Variants in DSCAM observed in about 807,000 individuals in gnomAD.
The protein encoded by DSCAM is cell adhesion molecule DSCAM.
Under a neutral mutation model 217.7 loss-of-function variants are expected in DSCAM, and 47 were observed. The observed-to-expected ratio is 0.22, with a 90% CI of 0.17 to 0.28. The LOEUF is 0.28. Ranked by LOEUF, DSCAM falls within the 10% of genes least tolerant of loss-of-function variation. DSCAM has a pLI of 1.00. For synonymous variants in DSCAM, 1,056 were observed against 1,015.3 expected (o/e 1.04, Z -0.76); for missense variants, 2,080 against 2,618.3 (o/e 0.79, Z 4.49).
chr21:40,063,591 T>G (rs981542269), intron 27 of DSCAM, among the ~76,000 whole-genome samples: 3 of 152,216 alleles, frequency 2.0e-5, no homozygotes, highest in Non-Finnish European at 4.4e-5. Flanking sequence ...AATGAATGTT[T>G]CCTTACTTAG....
chr21:40,205,518 G>A (rs944265999), intron 11 of DSCAM, among the ~76,000 whole-genome samples: 1 of 151,044 alleles, frequency 6.6e-6, no homozygotes, highest in East Asian at 2.0e-4. Flanking sequence ...CAGGAGAATC[G>A]CTTAAACCCG....
At chr21:40,374,880 T>C (rs908771977) in intron 3 of DSCAM, among the ~76,000 whole-genome samples, 2 of 152,168 alleles carry the variant, frequency 1.3e-5, no homozygotes, top group African/African-American at 4.8e-5. Context: ...TCCAGAACAG[T>C]GAGAGATAAA....
intron 3 of DSCAM, among the ~76,000 whole-genome samples, chr21:40,486,644 T>C (rs912049303): frequency 3.3e-5 from 5 of 152,172 alleles, no homozygotes; most frequent in African/African-American, 7.2e-5. Context: ...GGTTTTAACC[T>C]TGAAGTGCAC....
chr21:40,580,800 C>A (rs527369552), intron 3 of DSCAM, among the ~76,000 whole-genome samples: 74 of 152,218 alleles, frequency 4.9e-4, no homozygotes, highest in African/African-American at 1.8e-3. Flanking sequence ...ACCTACATGA[C>A]TAACTAAAGA....
Position 40,144,880 on chromosome 21 carries a change from G to A in DSCAM, c.3019-149C>T. 5 of 1,123,008 alleles carry A rather than the reference G, an allele frequency of 4.5e-6. No homozygotes were observed. The South Asian group carries it at 7.5e-5, about 17-fold the overall frequency. The allele number at this position is 1,123,008 out of a possible 1,614,324, so 69.6% of individuals were successfully genotyped here. On this transcript the variant is annotated intron_variant, in intron 16 of 32. Coordinates refer to ENST00000400454, the MANE Select transcript of DSCAM (RefSeq NM_001389.5). This position sits in a 1 kb window ranked among gnomAD's most constrained non-coding sequence, Gnocchi z 4.8. ...GGTCCGGTAGCAGCCGCAAACCCAC[G>A]TACAGTGCAACTTGGTCTGTGCCAG... is the stretch of plus-strand genomic sequence containing the variant.
intron 16 of DSCAM, among the ~76,000 whole-genome samples, chr21:40,159,852 G>C (rs549163768): frequency 4.9e-4 from 74 of 152,274 alleles, no homozygotes; most frequent in Non-Finnish European, 8.8e-4. Flanking sequence ...CAAAATGCTG[G>C]GATTACAGGC....
intron 3 of DSCAM, among the ~76,000 whole-genome samples, chr21:40,601,893 C>T (rs545389221): frequency 5.3e-5 from 8 of 152,094 alleles, no homozygotes; most frequent in Non-Finnish European, 1.2e-4. Flanking sequence ...TCTTTTTATA[C>T]ATTGTTGGAT....
At chr21:40,047,053 C>T (rs1374963657) in intron 30 of DSCAM, among the ~76,000 whole-genome samples, 1 of 152,002 alleles carries the variant, frequency 6.6e-6, no homozygotes, top group East Asian at 1.9e-4. Context: ...TTACTGGTGG[C>T]CTGATAATGT....
intron 3 of DSCAM, among the ~76,000 whole-genome samples, chr21:40,536,551 A>C (rs8128883): frequency 6.6e-6 from 1 of 151,946 alleles, no homozygotes; most frequent in East Asian, 1.9e-4. Context: ...ACAGGCGCCC[A>C]CCACCACGCC....
intron 3 of DSCAM, among the ~76,000 whole-genome samples, chr21:40,562,506 C>A (rs2076728433): frequency 6.6e-6 from 1 of 152,198 alleles, no homozygotes; most frequent in African/African-American, 2.4e-5. Flanking sequence ...ACCACTCACT[C>A]AGAGAAAGCT....
chr21:40,803,422 G>T lies in DSCAM; in HGVS notation c.43+43197C>A, dbSNP rs2123507892. Among the ~76,000 whole-genome samples the T allele has an allele frequency of 1.3e-5, 2 of 152,222 alleles. 1 individual carries two copies. Among genetic ancestry groups the T allele is most frequent in the Non-Finnish European group, 2.9e-5 (2 of 68,022 alleles). On this transcript the variant is annotated intron_variant, in intron 1 of 32. Coordinates refer to ENST00000400454, the MANE Select transcript of DSCAM (RefSeq NM_001389.5). ...GGAAGGACCACTAAAGCCACCTATAGGAGTGACTCAAATTCTGTTAAAGCA... is the reference window on the plus strand; with the variant it reads ...GGAAGGACCACTAAAGCCACCTATATGAGTGACTCAAATTCTGTTAAAGCA...
chr21:40,096,537 G>C (rs2089679870), intron 20 of DSCAM, among the ~76,000 whole-genome samples: 1 of 152,080 alleles, frequency 6.6e-6, no homozygotes, highest in Non-Finnish European at 1.5e-5. Flanking sequence ...GTGAGCTATG[G>C]AAAAATATCA....
intron 3 of DSCAM, among the ~76,000 whole-genome samples, chr21:40,406,471 C>T (rs2123786914): frequency 6.6e-6 from 1 of 152,260 alleles, no homozygotes; most frequent in Non-Finnish European, 1.5e-5. Context: ...CTTAAAAAAG[C>T]AATGAAATCG....
chr21:40,450,740 G>A (rs1342932179), intron 3 of DSCAM, among the ~76,000 whole-genome samples: 1 of 152,168 alleles, frequency 6.6e-6, no homozygotes, highest in African/African-American at 2.4e-5. Flanking sequence ...CTTTATCAAA[G>A]GTAAGTTTTG....
At chr21:40,607,012 A>G (rs1322977878) in intron 3 of DSCAM, among the ~76,000 whole-genome samples, 2 of 152,214 alleles carry the variant, frequency 1.3e-5, no homozygotes, top group Non-Finnish European at 2.9e-5. Context: ...AGGCCTTGCC[A>G]GCCACGTGGA....
intron 3 of DSCAM, among the ~76,000 whole-genome samples, chr21:40,631,111 C>G (rs988533275): frequency 2.0e-5 from 3 of 152,156 alleles, no homozygotes; most frequent in African/African-American, 7.2e-5. Flanking sequence ...AGCAATGAAC[C>G]TTCTGTGCTT....
intron 3 of DSCAM, among the ~76,000 whole-genome samples, chr21:40,449,587 A>T (rs2075702862): frequency 6.6e-6 from 1 of 152,228 alleles, no homozygotes; most frequent in South Asian, 2.1e-4. Flanking sequence ...GTATTGTCTA[A>T]TGCTATATTC....
chr21:40,763,375 A>G (rs2091356012), intron 1 of DSCAM, among the ~76,000 whole-genome samples: 1 of 152,184 alleles, frequency 6.6e-6, no homozygotes, highest in African/African-American at 2.4e-5. Flanking sequence ...ACCTGGAATT[A>G]CAACTTACAA....
At chr21:40,774,970 A>G (rs558593748) in intron 1 of DSCAM, among the ~76,000 whole-genome samples, 48 of 73,940 alleles carry the variant, frequency 6.5e-4, no homozygotes, top group Non-Finnish European at 1.2e-3. Flanking sequence ...TTATGTAATA[A>G]TTATATAACA....
Sources: allele counts gnomAD v4.1 joint callset (sites outside exome capture counted in the v4.1 genomes callset), GRCh38; gene constraint gnomAD v4.1.1; non-coding constraint Gnocchi (gnomAD v3.1); transcripts MANE v1.5; gene names NCBI Gene and HGNC (gene_info 2026-07-23, HGNC 2026-07-21).